DPY19L4: variants seen among roughly 807,000 people sequenced by gnomAD.
DPY19L4 encodes probable C-mannosyltransferase DPY19L4.
Under a neutral mutation model 102.8 loss-of-function variants are expected in DPY19L4, and 97 were observed. That is an observed-to-expected ratio of 0.94 (90% CI 0.80 to 1.12). The LOEUF (loss-of-function observed/expected upper bound fraction) is 1.12, where lower values mean the gene tolerates loss of function less well. Among genes scored for constraint, DPY19L4 ranks in the 50% most tolerant of loss-of-function variants. The pLI is 0.00. For synonymous variants in DPY19L4, 252 were observed against 283.1 expected, an observed-to-expected ratio of 0.89 and a Z score of 1.10; for missense variants, 815 against 850.4, an observed-to-expected ratio of 0.96 and a Z score of 0.52.
chr8:94,771,089 G>C (rs958799012), intron 13 of DPY19L4, among the ~76,000 whole-genome samples: 1 of 151,930 alleles, frequency 6.6e-6, no homozygotes, highest in African/African-American at 2.4e-5. Context: ...TAATTTTTTT[G>C]TATTTTTAGT....
chr8:94,727,920 A>G (rs923237669), intron 2 of DPY19L4, among the ~76,000 whole-genome samples: 7 of 152,140 alleles, frequency 4.6e-5, no homozygotes, highest in Non-Finnish European at 7.4e-5. Context: ...GCCAGCCAAG[A>G]GAGCCTACCT....
chr8:94,768,277 A>G, intron 11 of DPY19L4, 118 bp from the exon 12 acceptor site: 1 of 741,846 alleles, frequency 1.3e-6, no homozygotes, highest in Non-Finnish European at 2.2e-6. Flanking sequence ...TTGCTAATAT[A>G]AGTAAACGGG....
intron 6 of DPY19L4, among the ~76,000 whole-genome samples, chr8:94,750,061 T>C (rs1811850531): frequency 6.6e-6 from 1 of 152,166 alleles, no homozygotes; most frequent in Non-Finnish European, 1.5e-5. Context: ...GTTCAAGTGA[T>C]TCTCATGCCT....
In DPY19L4 at chr8:94,789,974, CG is replaced by C; in HGVS notation, c.*66del. 1 of 1,506,610 alleles carries C rather than the reference CG, an allele frequency of 6.6e-7. No homozygotes were observed. Among genetic ancestry groups the C allele is most frequent in the Middle Eastern group, 1.7e-4 (1 of 5,754 alleles). 93.3% of individuals were successfully genotyped at this position (1,506,610 alleles called of 1,614,324 possible). ...AAAATGCAGTTTTCTTCTACCTACT[CG>C]GTGTCTTTTGCAGATCAGAGTATGG... is the stretch of plus-strand genomic sequence containing the variant. On this transcript the variant is annotated 3_prime_UTR_variant, in exon 19 of 19. Transcript: ENST00000414645.
chr8:94,739,228 G>C (rs951336551), intron 4 of DPY19L4, among the ~76,000 whole-genome samples, 185 bp from the exon 5 acceptor site: 1 of 152,024 alleles, frequency 6.6e-6, no homozygotes, highest in African/African-American at 2.4e-5. Flanking sequence ...TCAATGTGGG[G>C]ATTTGTCTCA....
At chr8:94,742,366 A>G (rs945765267) in intron 6 of DPY19L4, among the ~76,000 whole-genome samples, 2 of 152,040 alleles carry the variant, frequency 1.3e-5, no homozygotes, top group Non-Finnish European at 2.9e-5. Context: ...TCAAAAAAAA[A>G]GAAAGTCTTA....
At chr8:94,768,577 A>G (rs754942182) in intron 12 of DPY19L4, 24 bp downstream of exon 12, 1 of 1,278,434 alleles carries the variant, frequency 7.8e-7, no homozygotes, top group Non-Finnish European at 1.1e-6. Flanking sequence ...AGAATCAATC[A>G]TATTACTAAC....
rs190969638 is a variant in DPY19L4, at chr8:94,749,110, C to T, written c.612-6926C>T. 3.3e-4 allele frequency among the ~76,000 whole-genome samples: 50 copies of T among 151,886 alleles called. 2 individuals are homozygous for T. The highest frequency in any genetic ancestry group is 2.8e-3 in the Admixed American group (43 of 15,270). Reference sequence around the variant, plus strand: ...ATCTTGTGAGACTTATTCACTATCACGAGAATAGCACGGGAAAGACTTGCC... The same window carrying T: ...ATCTTGTGAGACTTATTCACTATCATGAGAATAGCACGGGAAAGACTTGCC... On this transcript the variant is annotated intron_variant, in intron 6 of 18. Transcript: ENST00000414645.
In DPY19L4 at chr8:94,726,809, A is replaced by G. The variant is rs555259411; in HGVS notation, c.127+368A>G. ...CCTTTTATTGGCCAAAGCAAGTCAT[A>G]TAATCAATTCAGACGATGGGATGTG... is the stretch of plus-strand genomic sequence containing the variant. On this transcript the variant is annotated intron_variant, in intron 2 of 18. Transcript: ENST00000414645. 2.6e-5 allele frequency among the ~76,000 whole-genome samples: 4 copies of G among 152,350 alleles called. No individual in the cohort carries two copies. In the South Asian group the frequency reaches 6.2e-4, roughly 24 times the overall value.
chr8:94,722,136 G>C (rs999317165), intron 1 of DPY19L4, among the ~76,000 whole-genome samples: 1 of 150,782 alleles, frequency 6.6e-6, no homozygotes, highest in African/African-American at 2.4e-5. Context: ...GGCCGGGCAA[G>C]GTGGCTCACG....
chr8:94,726,866 G>C (rs1464600658), intron 2 of DPY19L4, among the ~76,000 whole-genome samples: 3 of 152,182 alleles, frequency 2.0e-5, no homozygotes, highest in Non-Finnish European at 4.4e-5. Flanking sequence ...AAGTGTTCCA[G>C]GTCACATGGT....
intron 10 of DPY19L4, among the ~76,000 whole-genome samples, chr8:94,766,130 G>A (rs367925381): frequency 1.3e-4 from 20 of 152,172 alleles, no homozygotes; most frequent in African/African-American, 4.6e-4. Flanking sequence ...AGCCTGGTGG[G>A]ATAAGGTTGA....
At chr8:94,744,743 G>C (rs1399297959) in intron 6 of DPY19L4, 3 of 343,598 alleles carry the variant, frequency 8.7e-6, no homozygotes, top group Non-Finnish European at 1.7e-5. Context: ...ATCTTAGTGA[G>C]AATTGTAAGA....
chr8:94,746,738 A>G lies in DPY19L4; in HGVS notation c.611+6948A>G, dbSNP rs139553732. Among the ~76,000 whole-genome samples the G allele has an allele frequency of 7.7e-3, 1,179 of 152,354 alleles. 8 individuals are homozygous for G. The highest frequency in any genetic ancestry group is 0.018 in the Admixed American group (269 of 15,290). ...TGTGCTATAAAATTGAAACTAATTT[A>G]CCAATAAAATAATAAACCAGTAAAA... On this transcript the variant is annotated intron_variant, in intron 6 of 18. Transcript: ENST00000414645.
rs1481867265 is a variant in DPY19L4 at position 94,790,306 on chromosome 8, G to T, written c.*396G>T. On this transcript the variant is annotated 3_prime_UTR_variant, in exon 19 of 19. Coordinates refer to ENST00000414645, the MANE Select transcript of DPY19L4 (RefSeq NM_181787.3). ...ATGTGATATAATTATTTAATAGAAA[G>T]AATAATTCCGACCTTCAAGCAAGTT... 6.5e-6 allele frequency: 1 copy of T among 152,908 alleles called. No homozygotes were observed. The highest frequency in any genetic ancestry group is 1.5e-5 in the Non-Finnish European group (1 of 68,264). The allele number at this position is 152,908 out of a possible 1,614,324, so 9.5% of individuals were successfully genotyped here. A position where few individuals can be genotyped will look rare whatever the true frequency, so the allele number is the denominator to read the frequency against.
chr8:94,749,817 T>C (rs1396359505), intron 6 of DPY19L4, among the ~76,000 whole-genome samples: 1 of 152,128 alleles, frequency 6.6e-6, no homozygotes, highest in Non-Finnish European at 1.5e-5. Flanking sequence ...ACAGAAGACA[T>C]CATGTTCATT....
chr8:94,788,311 C>T (rs1040123757), intron 18 of DPY19L4, among the ~76,000 whole-genome samples: 1 of 151,928 alleles, frequency 6.6e-6, no homozygotes, highest in African/African-American at 2.4e-5. Flanking sequence ...TATTCATTGC[C>T]TGTACTTATT....
intron 13 of DPY19L4, among the ~76,000 whole-genome samples, chr8:94,771,425 G>T (rs74900628): frequency 0.034 from 5,245 of 152,204 alleles, 111 homozygotes; most frequent in Admixed American, 0.04. Context: ...GGTGCTAAAG[G>T]TACCTCAATA....
rs117566678 is a variant in DPY19L4 at position 94,729,402 on chromosome 8, G to A, written c.127+2961G>A. On this transcript the variant is annotated intron_variant, in intron 2 of 18. Coordinates refer to ENST00000414645, the MANE Select transcript of DPY19L4 (RefSeq NM_181787.3). ...ACACACACACACAAATTTAAACTTA[G>A]GCAATATAGTGAGACCTCATCTCTA... 3.1e-3 allele frequency among the ~76,000 whole-genome samples: 467 copies of A among 148,854 alleles called. 7 individuals carry two copies. In the East Asian group the frequency reaches 0.046, roughly 15 times the overall value.
Sources: gnomAD v4.1 joint callset for allele counts (sites outside exome capture counted in the v4.1 genomes callset) on GRCh38, gnomAD v4.1.1 for gene constraint, MANE v1.5 for transcripts, NCBI Gene and HGNC (gene_info 2026-07-23, HGNC 2026-07-21) for gene names.